CCNI: variants seen among roughly 807,000 people sequenced by gnomAD.
The protein encoded by CCNI is cyclin I.
CCNI carries 14 observed loss-of-function variants against 34.1 expected under a neutral mutation model. The observed-to-expected ratio is 0.41, with a 90% CI of 0.27 to 0.64. The LOEUF (loss-of-function observed/expected upper bound fraction) is 0.64, where lower values mean the gene tolerates loss of function less well. Ranked by LOEUF, CCNI falls within the 30% of genes least tolerant of loss-of-function variation. CCNI has a pLI of 0.31. For synonymous variants in CCNI, 154 were observed against 158.4 expected (o/e 0.97, Z 0.21); for missense variants, 385 against 440.5 (o/e 0.87, Z 1.13).
intron 6 of CCNI, among the ~76,000 whole-genome samples, chr4:77,051,677 A>G (rs1181942198): frequency 6.6e-6 from 1 of 152,242 alleles, no homozygotes; most frequent in Non-Finnish European, 1.5e-5. Flanking sequence ...GATCCAGTGG[A>G]AGAAACAAAA....
chr4:77,064,583 GCGCACACACA>G (rs927364077), intron 2 of CCNI: 32 of 105,682 alleles, frequency 3.0e-4, no homozygotes, highest in African/African-American at 1.2e-3. Flanking sequence ...ATGCGCGCGC[GCGCACACACA>G]CACACACACA....
Position 77,056,586 on chromosome 4 carries a change from CTTT to C in CCNI, c.244-266_244-264del, listed in dbSNP as rs35437385. On this transcript the variant is annotated intron_variant, in intron 3 of 6. Coordinates refer to ENST00000237654, the MANE Select transcript of CCNI (RefSeq NM_006835.3). ...CAAGATCAAGTGTGTCTAGAGCTAACTTTTTTTTTTTTTTTTTTTTTGAGACGG... is the reference window on the plus strand; with the variant it reads ...CAAGATCAAGTGTGTCTAGAGCTAACTTTTTTTTTTTTTTTTTTGAGACGG... 8.6e-3 allele frequency: 1,381 copies of C among 160,616 alleles called. 1 individual carries two copies. The highest frequency in any genetic ancestry group is 0.023 in the South Asian group (215 of 9,548). The allele number at this position is 160,616 out of a possible 1,614,324, so 9.9% of individuals were successfully genotyped here.
intron 1 of CCNI, among the ~76,000 whole-genome samples, chr4:77,067,091 G>A (rs1032091202): frequency 8.5e-5 from 13 of 152,056 alleles, no homozygotes; most frequent in African/African-American, 3.1e-4. Flanking sequence ...AATTAACTGG[G>A]CATGGTGGTG....
intron 6 of CCNI, among the ~76,000 whole-genome samples, chr4:77,052,345 T>G (rs1271971451): frequency 6.6e-6 from 1 of 152,174 alleles, no homozygotes; most frequent in Non-Finnish European, 1.5e-5. Context: ...GAACATGTAC[T>G]TTGACTACTG....
chr4:77,058,136 C>A (rs189500380), intron 3 of CCNI, among the ~76,000 whole-genome samples: 3 of 152,324 alleles, frequency 2.0e-5, no homozygotes, highest in Admixed American at 6.5e-5. Context: ...AGGCTGATGA[C>A]TTGACGTCGG....
At chr4:77,055,041 G>A (rs1728114687) in intron 6 of CCNI, 109 bp downstream of exon 6, 2 of 681,834 alleles carry the variant, frequency 2.9e-6, no homozygotes, top group Non-Finnish European at 5.1e-6. Flanking sequence ...CTACTCTTAA[G>A]AATGGTTTGC....
intron 6 of CCNI, among the ~76,000 whole-genome samples, chr4:77,049,877 T>G (rs1727712308): frequency 6.6e-6 from 1 of 152,158 alleles, no homozygotes; most frequent in Admixed American, 6.5e-5. Flanking sequence ...TTACCTGTAG[T>G]AAAGTGTCTC....
At position 77,048,269 on chromosome 4, in the gene CCNI, C is replaced by CT; in HGVS notation, c.1083dup (p.Glu362ArgfsTer30). The CT allele has an allele frequency of 6.2e-7, 1 of 1,614,136 alleles. No individual in the cohort carries two copies. The highest frequency in any genetic ancestry group is 2.2e-5 in the East Asian group (1 of 44,880). ...GGTGGACAAGGGGAAGCATGTCCCT[C>CT]TTGTCTTGATAAATCAGTGCCACAC... On this transcript the variant is annotated frameshift_variant, in exon 7 of 7. Coordinates refer to ENST00000237654, the MANE Select transcript of CCNI (RefSeq NM_006835.3). LOFTEE classifies it high-confidence loss of function.
At position 77,075,558 on chromosome 4, in the gene CCNI, C is replaced by A; in HGVS notation, c.-130G>T. 1 of 988,464 alleles carries A rather than the reference C, an allele frequency of 1.0e-6. No homozygotes were observed. The highest frequency in any genetic ancestry group is 1.2e-6 in the Non-Finnish European group (1 of 830,628). 61.2% of individuals were successfully genotyped at this position (988,464 alleles called of 1,614,324 possible). A position where few individuals can be genotyped will look rare whatever the true frequency, so the allele number is the denominator to read the frequency against. ...CGCGGGGTCATCCGGGGGCCCGTTA[C>A]CACCTCATTCTCATAGGCGCGCGGA... On this transcript the variant is annotated 5_prime_UTR_variant, in exon 1 of 7. Transcript: ENST00000237654.
intron 2 of CCNI, among the ~76,000 whole-genome samples, chr4:77,063,216 A>AG (rs1157751996): frequency 1.3e-5 from 2 of 152,092 alleles, no homozygotes; most frequent in African/African-American, 4.8e-5. Flanking sequence ...TAGTTGGGGC[A>AG]GGGGGGAAGT....
chr4:77,075,370 G>T, intron 1 of CCNI, 102 bp downstream of exon 1: 3 of 323,350 alleles, frequency 9.3e-6, no homozygotes, highest in Non-Finnish European at 1.3e-5. Context: ...CGCGGCCAAG[G>T]GCGCTGCCAC....
chr4:77,054,588 T>C (rs921754142), intron 6 of CCNI, among the ~76,000 whole-genome samples: 4 of 152,260 alleles, frequency 2.6e-5, no homozygotes, highest in Admixed American at 6.5e-5. Context: ...ACTTAGGTAG[T>C]TGATAATTTA....
chr4:77,056,782 G>A (rs1484815720), intron 3 of CCNI, among the ~76,000 whole-genome samples: 3 of 151,672 alleles, frequency 2.0e-5, no homozygotes, highest in Non-Finnish European at 2.9e-5. Flanking sequence ...TAGTAGAGAC[G>A]GGGGTTTCAC....
chr4:77,075,489 C>T lies in CCNI; in HGVS notation c.-61G>A. On this transcript the variant is annotated 5_prime_UTR_variant, in exon 1 of 7. Coordinates refer to ENST00000237654, the MANE Select transcript of CCNI (RefSeq NM_006835.3). The stretch of plus-strand genomic sequence containing the variant: ...CCCCTCACCTTCTCCTCCTCTTCCT[C>T]CTCCTCCTCCTCCCCGGCAGAGCTG... 1 of 969,466 alleles carries T rather than the reference C, an allele frequency of 1.0e-6. No individual in the cohort carries two copies. Among genetic ancestry groups the T allele is most frequent in the Non-Finnish European group, 1.2e-6 (1 of 813,614 alleles). 60.1% of individuals were successfully genotyped at this position (969,466 alleles called of 1,614,324 possible). A position where few individuals can be genotyped will look rare whatever the true frequency, so the allele number is the denominator to read the frequency against.
At chr4:77,063,128 C>T (rs1022230990) in intron 2 of CCNI, among the ~76,000 whole-genome samples, 1 of 151,948 alleles carries the variant, frequency 6.6e-6, no homozygotes, top group Non-Finnish European at 1.5e-5. Flanking sequence ...AATATTCTTG[C>T]CTGACCACAC....
intron 6 of CCNI, among the ~76,000 whole-genome samples, chr4:77,051,999 A>T (rs1320916658): frequency 6.7e-6 from 1 of 150,308 alleles, no homozygotes; most frequent in African/African-American, 2.5e-5. Flanking sequence ...TAGATGGTAC[A>T]TGTGCAGGTT....
rs745937687 is a variant in CCNI, at chr4:77,058,497, A to C, written c.243+10T>G. The C allele has an allele frequency of 7.3e-5, 118 of 1,608,806 alleles. No homozygotes were observed. The highest frequency in any genetic ancestry group is 9.9e-5 in the Non-Finnish European group (116 of 1,177,418). Reference sequence around the variant, plus strand: ...TGAGGTTATATGTAAGTCTATCTTAAAACACTTACCTTTACGGTAGCTAAA... The same window carrying C: ...TGAGGTTATATGTAAGTCTATCTTACAACACTTACCTTTACGGTAGCTAAA... On this transcript the variant is annotated intron_variant, in intron 3 of 6. Transcript: ENST00000237654.
At chr4:77,051,699 A>G (rs1727851045) in intron 6 of CCNI, among the ~76,000 whole-genome samples, 1 of 152,224 alleles carries the variant, frequency 6.6e-6, no homozygotes, top group Non-Finnish European at 1.5e-5. Context: ...AAGCACATAT[A>G]CTGGAACTAC....
intron 3 of CCNI, among the ~76,000 whole-genome samples, chr4:77,057,809 G>C (rs187109867): frequency 2.2e-4 from 33 of 152,318 alleles, no homozygotes; most frequent in Admixed American, 9.2e-4. Context: ...AAGCCACACA[G>C]TATGGATATT....
Sources: allele counts gnomAD v4.1 joint callset (sites outside exome capture counted in the v4.1 genomes callset), GRCh38; gene constraint gnomAD v4.1.1; transcripts MANE v1.5; gene names NCBI Gene and HGNC (gene_info 2026-07-23, HGNC 2026-07-21).